Variants in BCKDHB observed in about 807,000 individuals in gnomAD.
BCKDHB encodes the protein 2-oxoisovalerate dehydrogenase subunit beta, mitochondrial.
In BCKDHB, 41 loss-of-function variants were observed where a neutral mutation model predicts 48.5. The observed-to-expected ratio is 0.85, with a 90% CI of 0.66 to 1.10. The LOEUF (loss-of-function observed/expected upper bound fraction) is 1.10. Among genes scored for constraint, BCKDHB ranks in the 50% least tolerant of loss-of-function variants. The pLI is 0.00. For missense variants in BCKDHB, 496 were observed against 494.2 expected, an observed-to-expected ratio of 1.00 and a Z score of -0.03; for synonymous variants, 201 against 174.8, an observed-to-expected ratio of 1.15 and a Z score of -1.18.
chr6:80,306,427 G>A (rs1407249250), intron 9 of BCKDHB, among the ~76,000 whole-genome samples: 1 of 152,060 alleles, frequency 6.6e-6, no homozygotes, highest in Non-Finnish European at 1.5e-5. Flanking sequence ...AAATAGTACA[G>A]TCTAAACATA....
At chr6:80,422,999 G>A in the BCKDHB span, among the ~76,000 whole-genome samples, 18 of 152,258 alleles carry the variant, frequency 1.2e-4, no homozygotes, top group East Asian at 2.1e-3. Flanking sequence ...GGGGTTAGGC[G>A]TGGAATAATA....
At chr6:80,404,166 T>A in the BCKDHB span, among the ~76,000 whole-genome samples, 1 of 152,034 alleles carries the variant, frequency 6.6e-6, no homozygotes, top group Non-Finnish European at 1.5e-5. Context: ...AGTCTTTAAA[T>A]GTTGTTAGAA....
chr6:80,408,648 G>A, the BCKDHB span, among the ~76,000 whole-genome samples: 4 of 152,034 alleles, frequency 2.6e-5, no homozygotes, highest in African/African-American at 7.2e-5. Context: ...TTGCATAGAG[G>A]TGTTTATGGT....
intron 1 of BCKDHB, among the ~76,000 whole-genome samples, chr6:80,111,523 A>G (rs1769408417): frequency 6.6e-6 from 1 of 152,192 alleles, no homozygotes; most frequent in Non-Finnish European, 1.5e-5. Flanking sequence ...ATTTGAAGCA[A>G]GAGTCTTTGT....
At chr6:80,170,202 T>G (rs1772833644) in intron 5 of BCKDHB, among the ~76,000 whole-genome samples, 1 of 152,160 alleles carries the variant, frequency 6.6e-6, no homozygotes, top group African/African-American at 2.4e-5. Context: ...AAAATAAAAT[T>G]TTTTATACAG....
At chr6:80,411,723 G>T in the BCKDHB span, among the ~76,000 whole-genome samples, 1 of 152,354 alleles carries the variant, frequency 6.6e-6, no homozygotes, top group African/African-American at 2.4e-5. Context: ...ATCTCAGACT[G>T]CTGCGCTAGC....
chr6:80,149,000 C>T (rs996286671), intron 3 of BCKDHB, among the ~76,000 whole-genome samples: 1 of 152,096 alleles, frequency 6.6e-6, no homozygotes. Flanking sequence ...AGCTTCTGCA[C>T]AGCAAAAGAA....
the BCKDHB span, among the ~76,000 whole-genome samples, chr6:80,352,982 A>G: frequency 4.6e-5 from 7 of 152,152 alleles, no homozygotes. Flanking sequence ...TCTTCAAGTC[A>G]AGACTTTAGG....
intron 5 of BCKDHB, 144 bp downstream of exon 5, chr6:80,169,174 G>A (rs1323439755): frequency 1.8e-6 from 2 of 1,118,014 alleles, no homozygotes; most frequent in South Asian, 1.5e-5. Flanking sequence ...TTAAGAAGGG[G>A]AGGTTAGCAG....
chr6:80,436,073 G>T, the BCKDHB span, among the ~76,000 whole-genome samples: 1 of 145,720 alleles, frequency 6.9e-6, no homozygotes. Context: ...TCTATTGTCT[G>T]TTGGCAAGAT....
At chr6:80,249,399 G>A (rs746262789) in intron 8 of BCKDHB, among the ~76,000 whole-genome samples, 13 of 151,934 alleles carry the variant, frequency 8.6e-5, no homozygotes, top group Admixed American at 1.3e-4. Flanking sequence ...CATCCTGGAG[G>A]ATCAATTGAG....
chr6:80,448,800 A>C, the BCKDHB span, among the ~76,000 whole-genome samples: 1 of 152,146 alleles, frequency 6.6e-6, no homozygotes, highest in Non-Finnish European at 1.5e-5. Flanking sequence ...TTTCACACCA[A>C]AATACACAGG....
chr6:80,437,545 C>A, the BCKDHB span, among the ~76,000 whole-genome samples: 1 of 152,152 alleles, frequency 6.6e-6, no homozygotes, highest in Admixed American at 6.5e-5. Context: ...CTTCATTATT[C>A]CCAAGTTTAG....
chr6:80,347,289 T>G (rs1050627677), downstream of BCKDHB, among the ~76,000 whole-genome samples: 1 of 152,210 alleles, frequency 6.6e-6, no homozygotes, highest in African/African-American at 2.4e-5. Context: ...AAGATGTAGT[T>G]TGTCAGCAAC....
At chr6:80,414,660 T>C in the BCKDHB span, among the ~76,000 whole-genome samples, 234 of 152,270 alleles carry the variant, frequency 1.5e-3, no homozygotes, top group African/African-American at 5.5e-3. Context: ...TTATTTACTG[T>C]AGCCTTGTAC....
the BCKDHB span, among the ~76,000 whole-genome samples, chr6:80,461,129 ATC>A: frequency 6.6e-6 from 1 of 152,162 alleles, no homozygotes. Context: ...TGAGATCAAA[ATC>A]TCTATTTCCA....
At chr6:80,166,917 A>G (rs1772600122) in intron 3 of BCKDHB, among the ~76,000 whole-genome samples, 1 of 151,604 alleles carries the variant, frequency 6.6e-6, no homozygotes, top group African/African-American at 2.4e-5. Flanking sequence ...AATCATCTCT[A>G]TTTTTCACAC....
At chr6:80,281,669 G>A (rs1031411864) in intron 9 of BCKDHB, among the ~76,000 whole-genome samples, 1 of 152,156 alleles carries the variant, frequency 6.6e-6, no homozygotes, top group Non-Finnish European at 1.5e-5. Context: ...TATTCACTTG[G>A]CATAGAATGC....
the BCKDHB span, among the ~76,000 whole-genome samples, chr6:80,439,408 C>G: frequency 6.6e-6 from 1 of 152,112 alleles, no homozygotes; most frequent in Non-Finnish European, 1.5e-5. Context: ...TATATATGAG[C>G]TTTAAATTAC....
Sources: allele counts gnomAD v4.1 joint callset (sites outside exome capture counted in the v4.1 genomes callset), GRCh38; gene constraint gnomAD v4.1.1; transcripts MANE v1.5; gene names NCBI Gene and HGNC (gene_info 2026-07-23, HGNC 2026-07-21).